CUL4A: variants seen among roughly 807,000 people sequenced by gnomAD.
CUL4A encodes cullin-4A.
A neutral mutation model predicts 95.5 loss-of-function variants in CUL4A; 16 were observed. The ratio of observed to expected loss-of-function variants is 0.17; its 90% CI spans 0.11 to 0.25. The LOEUF (loss-of-function observed/expected upper bound fraction) is 0.25, where lower values mean the gene tolerates loss of function less well. Ranked by LOEUF, CUL4A falls within the 10% of genes least tolerant of loss-of-function variation. CUL4A has a pLI of 1.00. For synonymous variants in CUL4A, 380 were observed against 353.1 expected (o/e 1.08, Z -0.85); for missense variants, 610 against 937.0 (o/e 0.65, Z 4.56).
At chr13:113,212,221 G>A (rs757741879) in intron 2 of CUL4A, among the ~76,000 whole-genome samples, 1 of 152,044 alleles carries the variant, frequency 6.6e-6, no homozygotes, top group Non-Finnish European at 1.5e-5. Context: ...TCAGATATTC[G>A]CCTTGCAAAT....
At chr13:113,243,817 C>T (rs1420131856) in intron 11 of CUL4A, among the ~76,000 whole-genome samples, 4 of 152,140 alleles carry the variant, frequency 2.6e-5, no homozygotes. Flanking sequence ...GGCTTTTGTT[C>T]CTCTGTATCA....
chr13:113,244,211 T>C, intron 11 of CUL4A, 199 bp from the exon 12 acceptor site: 2 of 542,972 alleles, frequency 3.7e-6, no homozygotes, highest in Non-Finnish European at 6.6e-6. Context: ...CATTCAGTCC[T>C]GGCTTCATTA....
chr13:113,215,062 A>G (rs764662735), intron 2 of CUL4A, among the ~76,000 whole-genome samples: 35 of 147,210 alleles, frequency 2.4e-4, no homozygotes, highest in Non-Finnish European at 4.0e-4. Context: ...GTGACTGTGG[A>G]GGTTGCTGTG....
At chr13:113,223,368 T>A (rs767925489) in intron 3 of CUL4A, among the ~76,000 whole-genome samples, 21 of 152,144 alleles carry the variant, frequency 1.4e-4, no homozygotes, top group Non-Finnish European at 2.6e-4. Context: ...CAAGTAACTC[T>A]ACTTTCTAAG....
chr13:113,210,497 C>T (rs2040366462), intron 2 of CUL4A, among the ~76,000 whole-genome samples: 1 of 152,172 alleles, frequency 6.6e-6, no homozygotes. Flanking sequence ...GATATTCAAA[C>T]AGATTTTGAA....
At chr13:113,212,021 T>C (rs1014717534) in intron 2 of CUL4A, among the ~76,000 whole-genome samples, 4 of 152,220 alleles carry the variant, frequency 2.6e-5, no homozygotes, top group African/African-American at 9.6e-5. Context: ...TGTGGGTGTG[T>C]GGTGGAGTGT....
At chr13:113,234,049 A>G (rs1443656662) in intron 7 of CUL4A, 63 bp downstream of exon 7, 3 of 957,032 alleles carry the variant, frequency 3.1e-6, no homozygotes, top group African/African-American at 3.3e-5. Flanking sequence ...ACCTAGGAGG[A>G]CTTTCCTCAT....
intron 3 of CUL4A, among the ~76,000 whole-genome samples, chr13:113,223,638 C>G (rs1449985131): frequency 1.3e-5 from 2 of 152,210 alleles, no homozygotes; most frequent in African/African-American, 4.8e-5. Context: ...CTTGGATTAT[C>G]TGCCTGCTTC....
chr13:113,243,566 T>C (rs572930168), intron 11 of CUL4A, among the ~76,000 whole-genome samples: 12 of 152,182 alleles, frequency 7.9e-5, no homozygotes, highest in African/African-American at 2.6e-4. Flanking sequence ...TCAGAATTCA[T>C]AGGCTTTCTC....
At chr13:113,248,676 G>T (rs868678725) in intron 15 of CUL4A, among the ~76,000 whole-genome samples, 1 of 152,060 alleles carries the variant, frequency 6.6e-6, no homozygotes, top group Non-Finnish European at 1.5e-5. Context: ...ACTCAAGTCC[G>T]TTATTTTATA....
At chr13:113,238,446 G>GA (rs1371413511) in intron 9 of CUL4A, among the ~76,000 whole-genome samples, 1 of 151,462 alleles carries the variant, frequency 6.6e-6, no homozygotes, top group Non-Finnish European at 1.5e-5. Flanking sequence ...AAAAAAAAGA[G>GA]AAAAAAGATT....
chr13:113,233,904 A>C lies in CUL4A; in HGVS notation c.683A>C (p.Lys228Thr). ...ACTCTGCTTGTTTCTTAGGTGTATA[A>C]AGATTCATTTGAACTGAAATTTTTG... ...LGMLSDLQVY[K>T]DSFELKFLEE... The change falls in exon 7 of 20, where the codon AAA becomes ACA. Residue 228 changes from lysine to threonine, a missense_variant. Coordinates refer to ENST00000375440, the MANE Select transcript of CUL4A (RefSeq NM_001008895.4). 6.3e-7 allele frequency: 1 copy of C among 1,577,958 alleles called. No homozygotes were observed. Among genetic ancestry groups the C allele is most frequent in the Non-Finnish European group, 8.7e-7 (1 of 1,147,654 alleles).
intron 7 of CUL4A, among the ~76,000 whole-genome samples, chr13:113,234,797 C>T (rs1476866395): frequency 1.3e-5 from 2 of 152,068 alleles, no homozygotes; most frequent in East Asian, 3.9e-4. Context: ...GCACAGACCC[C>T]GAAACTTGGT....
chr13:113,263,583 C>A lies in CUL4A; in HGVS notation c.*1C>A. The stretch of plus-strand genomic sequence containing the variant: ...GAATCAGTACCACTACGTGGCCTGA[C>A]GCATCTGCAGACGGTTCCCCTTCAT... On this transcript the variant is annotated 3_prime_UTR_variant, in exon 20 of 20. Transcript: ENST00000375440. 6.4e-7 allele frequency: 1 copy of A among 1,569,906 alleles called. No individual in the cohort carries two copies. The highest frequency in any genetic ancestry group is 1.2e-5 in the South Asian group (1 of 86,156).
chr13:113,233,976 A>G lies in CUL4A; in HGVS notation c.755A>G (p.Gln252Arg). 6.2e-7 allele frequency: 1 copy of G among 1,605,694 alleles called. No homozygotes were observed. The highest frequency in any genetic ancestry group is 8.5e-7 in the Non-Finnish European group (1 of 1,174,104). The change falls in exon 7 of 20, where the codon CAG (glutamine) becomes CGG (arginine). Residue 252 changes from glutamine to arginine, a missense_variant. Gln to Arg is a conservative substitution (Grantham distance 43). This residue lies in a region of CUL4A where 153 missense variants were observed against 244.5 expected (regional missense o/e 0.63). Coordinates refer to ENST00000375440, the MANE Select transcript of CUL4A (RefSeq NM_001008895.4). ...LYAAEGQRLM[Q>R]EREVPEYLNH... Reference sequence around the variant, plus strand: ...GCTGCCGAAGGCCAAAGGTTAATGCAGGAAAGAGAGGTGAGATGATGGGAT... The same window carrying G: ...GCTGCCGAAGGCCAAAGGTTAATGCGGGAAAGAGAGGTGAGATGATGGGAT...
intron 19 of CUL4A, among the ~76,000 whole-genome samples, chr13:113,261,713 C>T (rs1022326459): frequency 2.0e-5 from 3 of 152,114 alleles, no homozygotes; most frequent in Non-Finnish European, 2.9e-5. Flanking sequence ...GAGTGGCAGA[C>T]CAGGGCGCCC....
At position 113,223,103 on chromosome 13, in the gene CUL4A, A is replaced by G. The variant is rs535612216; in HGVS notation, c.368+4055A>G. On this transcript the variant is annotated intron_variant, in intron 3 of 19. Coordinates refer to ENST00000375440, the MANE Select transcript of CUL4A (RefSeq NM_001008895.4). ...ACTGTGATGAAGGCTTTTAGGCTAC[A>G]TTCGTACGTTAACCTAGTAAACATG... 1.4e-3 allele frequency among the ~76,000 whole-genome samples: 209 copies of G among 152,266 alleles called. 1 individual carries two copies. The highest frequency in any genetic ancestry group is 4.8e-3 in the African/African-American group (201 of 41,542).
At chr13:113,247,852 T>G (rs1336903371) in intron 15 of CUL4A, among the ~76,000 whole-genome samples, 1 of 152,204 alleles carries the variant, frequency 6.6e-6, no homozygotes, top group African/African-American at 2.4e-5. Context: ...TTCATTCTGA[T>G]GTAATACTTT....
intron 3 of CUL4A, among the ~76,000 whole-genome samples, chr13:113,221,191 T>A (rs947872178): frequency 6.6e-6 from 1 of 152,230 alleles, no homozygotes; most frequent in Non-Finnish European, 1.5e-5. Flanking sequence ...TGGTGGCCCT[T>A]AGGCTGTGAT....
Sources: allele counts gnomAD v4.1 joint callset (sites outside exome capture counted in the v4.1 genomes callset), GRCh38; gene constraint gnomAD v4.1.1; regional missense constraint gnomAD v4.1.1; transcripts MANE v1.5; gene names NCBI Gene and HGNC (gene_info 2026-07-23, HGNC 2026-07-21).